The following FBXW10B variants were observed in gnomAD, a reference collection of about 807,000 sequenced individuals.
FBXW10B encodes F-box and WD repeat domain containing 10B.
chr17:15,610,861 G>C, the FBXW10B span, among the ~76,000 whole-genome samples: 1 of 152,100 alleles, frequency 6.6e-6, no homozygotes, highest in Non-Finnish European at 1.5e-5. Context: ...CAACAGACTT[G>C]AAAACAAAAG....
chr17:15,615,414 C>T, the FBXW10B span, among the ~76,000 whole-genome samples: 4 of 145,070 alleles, frequency 2.8e-5, no homozygotes, highest in East Asian at 2.0e-4. Flanking sequence ...CTCTGCCTCC[C>T]GGCTTCACGC....
At chr17:15,596,989 T>C in the FBXW10B span, among the ~76,000 whole-genome samples, 1 of 151,352 alleles carries the variant, frequency 6.6e-6, no homozygotes, top group South Asian at 2.1e-4. Context: ...GCCTGAAAAA[T>C]GCTTGCTATC....
At chr17:15,605,129 T>C in the FBXW10B span, 148 of 1,541,166 alleles carry the variant, frequency 9.6e-5, no homozygotes, top group Admixed American at 3.1e-3. Flanking sequence ...AGGAAAACTG[T>C]TAACTATAAA....
the FBXW10B span, among the ~76,000 whole-genome samples, chr17:15,582,088 G>A: frequency 6.6e-6 from 1 of 151,456 alleles, no homozygotes; most frequent in Non-Finnish European, 1.5e-5. Flanking sequence ...GTGTGTATGT[G>A]TGTGTGCCTG....
At chr17:15,598,337 T>A in the FBXW10B span, 1 of 700,406 alleles carries the variant, frequency 1.4e-6, no homozygotes, top group Non-Finnish European at 1.7e-6. Flanking sequence ...GTAGGTATTC[T>A]ACAGACGGTT....
the FBXW10B span, among the ~76,000 whole-genome samples, chr17:15,604,402 C>T: frequency 6.6e-6 from 1 of 152,046 alleles, no homozygotes; most frequent in Non-Finnish European, 1.5e-5. Context: ...AATAATATTA[C>T]CTCTGGTTGG....
chr17:15,602,562 A>C, the FBXW10B span, among the ~76,000 whole-genome samples: 2 of 146,356 alleles, frequency 1.4e-5, no homozygotes, highest in African/African-American at 2.6e-5. Flanking sequence ...GAAAAAAAAA[A>C]CCCTGATAAA....
chr17:15,603,555 TGTTAGA>T, the FBXW10B span, among the ~76,000 whole-genome samples: 1 of 152,142 alleles, frequency 6.6e-6, no homozygotes, highest in Non-Finnish European at 1.5e-5. Flanking sequence ...TTGACAAAAC[TGTTAGA>T]CTGTCAATAT....
At chr17:15,578,902 T>G in the FBXW10B span, among the ~76,000 whole-genome samples, 12 of 152,184 alleles carry the variant, frequency 7.9e-5, no homozygotes, top group Admixed American at 7.2e-4. Flanking sequence ...CTTTTTTCTT[T>G]TATAGGCAAT....
At chr17:15,608,049 C>T in the FBXW10B span, among the ~76,000 whole-genome samples, 1 of 151,666 alleles carries the variant, frequency 6.6e-6, no homozygotes, top group Non-Finnish European at 1.5e-5. Context: ...GACCATTTCA[C>T]AGAAGTCGGA....
the FBXW10B span, chr17:15,598,619 T>C: frequency 3.7e-6 from 6 of 1,612,968 alleles, no homozygotes; most frequent in Admixed American, 1.0e-4. Context: ...CCACCGAAGA[T>C]TCGTGTGCAA....
chr17:15,576,299 A>C, the FBXW10B span, among the ~76,000 whole-genome samples: 744 of 152,320 alleles, frequency 4.9e-3, 8 homozygotes, highest in African/African-American at 0.016. Context: ...TCTTCAATTC[A>C]TCAAGAGTGT....
chr17:15,600,200 A>G, the FBXW10B span, among the ~76,000 whole-genome samples: 2 of 144,882 alleles, frequency 1.4e-5, no homozygotes, highest in East Asian at 2.1e-4. Context: ...TGGGTGACAG[A>G]GCGAGACTCT....
the FBXW10B span, among the ~76,000 whole-genome samples, chr17:15,616,210 T>C: frequency 6.6e-6 from 1 of 152,024 alleles, no homozygotes; most frequent in Non-Finnish European, 1.5e-5. Context: ...GTTTTGCTCT[T>C]ATTGCCCAGG....
At chr17:15,589,307 G>T in the FBXW10B span, 1 of 1,543,692 alleles carries the variant, frequency 6.5e-7, no homozygotes, top group Non-Finnish European at 8.8e-7. Flanking sequence ...TGTAGGGAAT[G>T]TCTGGGAGAA....
the FBXW10B span, chr17:15,605,374 C>G: frequency 6.3e-7 from 1 of 1,585,710 alleles, no homozygotes; most frequent in Non-Finnish European, 8.6e-7. Context: ...TTAGATGACA[C>G]AGCTATCAGA....
chr17:15,588,198 C>T, the FBXW10B span, among the ~76,000 whole-genome samples: 4 of 152,192 alleles, frequency 2.6e-5, no homozygotes, highest in Non-Finnish European at 5.9e-5. Flanking sequence ...AGTCACGTTA[C>T]GGCACTGGTA....
chr17:15,571,887 G>A, the FBXW10B span: 20 of 145,764 alleles, frequency 1.4e-4, no homozygotes, highest in Admixed American at 4.2e-4. Flanking sequence ...ACAGCATGTC[G>A]TATGATTCCA....
At chr17:15,611,725 T>C in the FBXW10B span, among the ~76,000 whole-genome samples, 1 of 152,138 alleles carries the variant, frequency 6.6e-6, no homozygotes, top group African/African-American at 2.4e-5. Flanking sequence ...ACTATCCTTT[T>C]GGGGCCAATT....
Sources: allele counts gnomAD v4.1 joint callset (sites outside exome capture counted in the v4.1 genomes callset), GRCh38; gene constraint gnomAD v4.1.1; transcripts MANE v1.5; gene names NCBI Gene and HGNC (gene_info 2026-07-23, HGNC 2026-07-21).